Variants in FANCA observed in about 807,000 individuals in gnomAD.
FANCA encodes the protein FA complementation group A.
In FANCA, 236 loss-of-function variants were observed where a neutral mutation model predicts 194.3. The ratio of observed to expected loss-of-function variants is 1.21; its 90% CI spans 1.09 to 1.35. The LOEUF (loss-of-function observed/expected upper bound fraction) is 1.35. Among genes scored for constraint, FANCA ranks in the 40% most tolerant of loss-of-function variants. The pLI is 0.00. For synonymous variants in FANCA, 1,014 were observed against 715.8 expected (o/e 1.42, Z -6.65); for missense variants, 2,628 against 1,813.9 (o/e 1.45, Z -8.15).
intron 37 of FANCA, among the ~76,000 whole-genome samples, chr16:89,742,350 C>G (rs1331649410): frequency 4.6e-5 from 7 of 152,006 alleles, no homozygotes. Context: ...CTGAGCTACT[C>G]CAGAGGCTGA....
Position 89,803,317 on chromosome 16 carries a change from C to G in FANCA, c.734G>C (p.Arg245Thr). The G allele has an allele frequency of 6.2e-7, 1 of 1,614,134 alleles. No homozygotes were observed. The highest frequency in any genetic ancestry group is 8.5e-7 in the Non-Finnish European group (1 of 1,179,998). The change falls in exon 8 of 43, where the codon AGG becomes ACG. Residue 245 changes from arginine to threonine, a missense_variant. Coordinates refer to ENST00000389301, the MANE Select transcript of FANCA (RefSeq NM_000135.4). ...CAGATCTGAGTTTTTCTGAAATCCC[C>G]TCAAAACAAACATTTGAACAAAATC... The part of the protein sequence containing the change: ...LSDFVQMFVL[R>T]GFQKNSDLRR...
At chr16:89,763,925 A>AT (rs1212773918) in intron 28 of FANCA, among the ~76,000 whole-genome samples, 1 of 148,104 alleles carries the variant, frequency 6.8e-6, no homozygotes, top group Non-Finnish European at 1.5e-5. Context: ...CACCAGAAAA[A>AT]AAAAACAAAA....
Position 89,792,003 on chromosome 16 carries a change from C to T in FANCA, c.1149G>A (p.Glu383=), listed in dbSNP as rs2143530131. 1.2e-6 allele frequency: 2 copies of T among 1,614,202 alleles called. No homozygotes were observed. Among genetic ancestry groups the T allele is most frequent in the Middle Eastern group, 1.6e-4 (1 of 6,062 alleles). Reference sequence around the variant, plus strand: ...AGGAGAGCACTCTCTGCCAGTGAACCTCCTGCGTTTCCAGAACTTCTTGCA... The same window carrying T: ...AGGAGAGCACTCTCTGCCAGTGAACTTCCTGCGTTTCCAGAACTTCTTGCA... The part of the protein sequence containing the change: ...GHLQEVLETQ[E]VHWQRVLSFV... Residue 383 remains glutamate, a synonymous_variant, in exon 13 of 43, where the codon GAG becomes GAA. Coordinates refer to ENST00000389301, the MANE Select transcript of FANCA (RefSeq NM_000135.4).
At position 89,778,625 on chromosome 16, in the gene FANCA, A is replaced by G. The variant is rs1421995794; in HGVS notation, c.1826+176T>C. 2.5e-5 allele frequency among the ~76,000 whole-genome samples: 3 copies of G among 119,784 alleles called. No homozygotes were observed. The South Asian group carries it at 8.7e-4, about 35-fold the overall frequency. The allele number at this position is 119,784 out of a possible 152,430, so 78.6% of individuals were successfully genotyped here. A position where few individuals can be genotyped will look rare whatever the true frequency, so the allele number is the denominator to read the frequency against. ...GCCTGGGTGACAGAGTGAGACTCCA[A>G]CTAAAAAAAAAAAAAAAAAAAAAAA... is the stretch of plus-strand genomic sequence containing the variant. On this transcript the variant is annotated intron_variant, in intron 20 of 42. Coordinates refer to ENST00000389301, the MANE Select transcript of FANCA (RefSeq NM_000135.4).
rs2143339774 is a variant in FANCA at position 89,770,581 on chromosome 16, A to G, written c.2205T>C (p.Ser735=). 6.2e-7 allele frequency: 1 copy of G among 1,611,180 alleles called. No individual in the cohort carries two copies. Among genetic ancestry groups the G allele is most frequent in the African/African-American group, 1.3e-5 (1 of 74,982 alleles). The change falls in exon 24 of 43, where the codon AGT becomes AGC. Residue 735 remains serine (S), a synonymous_variant. Transcript: ENST00000389301. ...GCCTTCACCTCTCCGGGGGAGCGACACTGGAGGCAGCCATCAGGTTCTGAC... is the reference window on the plus strand; with the variant it reads ...GCCTTCACCTCTCCGGGGGAGCGACGCTGGAGGCAGCCATCAGGTTCTGAC... The part of the protein sequence containing the change: ...SFCQNLMAAS[S]VAPPERQGPW...
intron 36 of FANCA, 30 bp from the exon 37 acceptor site, chr16:89,742,968 G>A (rs1251171081): frequency 6.2e-7 from 1 of 1,611,432 alleles, no homozygotes; most frequent in East Asian, 2.2e-5. Flanking sequence ...GTCATTGCAG[G>A]GCCTTACAAC....
In FANCA at chr16:89,781,759, A is replaced by C. The variant is rs544248496; in HGVS notation, c.1626+1100T>G. 1.3e-3 allele frequency among the ~76,000 whole-genome samples: 196 copies of C among 147,272 alleles called. 2 individuals are homozygous for C. The highest frequency in any genetic ancestry group is 4.7e-3 in the African/African-American group (186 of 39,756). ...TCACGCCTGTAATCCCAGCACTTTG[A>C]GAGGCCGAGACGGGCGGATCACGAG... On this transcript the variant is annotated intron_variant, in intron 17 of 42. Transcript: ENST00000389301.
chr16:89,787,899 G>T (rs368387824), intron 14 of FANCA, among the ~76,000 whole-genome samples: 13 of 151,768 alleles, frequency 8.6e-5, no homozygotes, highest in African/African-American at 3.1e-4. Context: ...TTTGAGACGG[G>T]GTCTTGCTCC....
intron 10 of FANCA, chr16:89,798,511 T>C: frequency 9.1e-7 from 1 of 1,100,786 alleles, no homozygotes; most frequent in Non-Finnish European, 1.1e-6. Flanking sequence ...CAGTGGCAAA[T>C]TCTACTGGTT....
intron 30 of FANCA, among the ~76,000 whole-genome samples, chr16:89,752,713 A>G (rs2038638976): frequency 6.6e-6 from 1 of 152,238 alleles, no homozygotes. Flanking sequence ...TGTGACCAGA[A>G]GACAAGAGTG....
At chr16:89,814,689 TC>T in intron 2 of FANCA, 76 bp from the exon 3 acceptor site, 1 of 1,067,842 alleles carries the variant, frequency 9.4e-7, no homozygotes, top group African/African-American at 1.6e-5. Context: ...ACGCCTGTAA[TC>T]CCAGTACTTT....
At chr16:89,750,108 A>T (rs1443986133) in intron 31 of FANCA, among the ~76,000 whole-genome samples, 6 of 152,202 alleles carry the variant, frequency 3.9e-5, no homozygotes, top group Non-Finnish European at 8.8e-5. Context: ...CACGTCTGTA[A>T]TGCCAGCACT....
intron 35 of FANCA, among the ~76,000 whole-genome samples, chr16:89,746,193 G>T (rs1368822559): frequency 6.6e-6 from 1 of 152,186 alleles, no homozygotes; most frequent in Non-Finnish European, 1.5e-5. Context: ...ATAGTCAGGC[G>T]CAAGTGGGCC....
intron 14 of FANCA, among the ~76,000 whole-genome samples, chr16:89,790,029 G>A (rs527418535): frequency 6.6e-6 from 1 of 152,248 alleles, no homozygotes; most frequent in Admixed American, 6.5e-5. Flanking sequence ...AGAGCACACT[G>A]TGTGTGTTCC....
intron 14 of FANCA, among the ~76,000 whole-genome samples, chr16:89,789,989 T>C (rs2040014636): frequency 6.6e-6 from 1 of 152,084 alleles, no homozygotes; most frequent in South Asian, 2.1e-4. Context: ...CCCACTTAGG[T>C]TCAGGAACAG....
intron 7 of FANCA, among the ~76,000 whole-genome samples, chr16:89,803,823 C>T (rs1210763390): frequency 6.6e-6 from 1 of 151,948 alleles, no homozygotes; most frequent in African/African-American, 2.4e-5. Context: ...GTTTCACCAT[C>T]TTGGCCAGGT....
chr16:89,742,860 T>C lies in FANCA; in HGVS notation c.3705A>G (p.Gln1235=), dbSNP rs943200503. The change falls in exon 37 of 43, where the codon CAA becomes CAG. Residue 1235 remains glutamine, a synonymous_variant. Coordinates refer to ENST00000389301, the MANE Select transcript of FANCA (RefSeq NM_000135.4). ...TCCTGATGTTTTCTTCCCTGACTTGTTGAATCGCAAAGTGCAGTGCAGCAG... is the reference window on the plus strand; with the variant it reads ...TCCTGATGTTTTCTTCCCTGACTTGCTGAATCGCAAAGTGCAGTGCAGCAG... ...LSAAALHFAI[Q]QVREENIRKQ... The C allele has an allele frequency of 1.2e-6, 2 of 1,614,032 alleles. No individual in the cohort carries two copies. Among genetic ancestry groups the C allele is most frequent in the African/African-American group, 2.7e-5 (2 of 74,886 alleles).
At chr16:89,774,754 A>AAAAAAAAAAAAAACC (rs34932314) in intron 21 of FANCA, among the ~76,000 whole-genome samples, 1 of 145,716 alleles carries the variant, frequency 6.9e-6, no homozygotes, top group Non-Finnish European at 1.5e-5. Context: ...AAAAAAAAAA[A>AAAAAAAAAAAAAACC]TCTCAACGAG....
At position 89,739,799 on chromosome 16, in the gene FANCA, T is replaced by C. The variant is rs2062081157; in HGVS notation, c.3934+195A>G. On this transcript the variant is annotated intron_variant, in intron 39 of 42. Coordinates refer to ENST00000389301, the MANE Select transcript of FANCA (RefSeq NM_000135.4). The stretch of plus-strand genomic sequence containing the variant: ...GCAGTCCCCATGATAGGCCCATTGG[T>C]CCTGGGGTTGACCAGTGAGCCAGTA... 4 of 1,465,562 alleles carry C rather than the reference T, an allele frequency of 2.7e-6. No homozygotes were observed. The East Asian group carries it at 9.9e-5, about 36-fold the overall frequency. The allele number at this position is 1,465,562 out of a possible 1,614,324, so 90.8% of individuals were successfully genotyped here.
Sources: allele counts gnomAD v4.1 joint callset (sites outside exome capture counted in the v4.1 genomes callset), GRCh38; gene constraint gnomAD v4.1.1; transcripts MANE v1.5; gene names NCBI Gene and HGNC (gene_info 2026-07-23, HGNC 2026-07-21).